The following CSMD2 variants were observed in gnomAD, a reference collection of about 807,000 sequenced individuals.
CSMD2 encodes CUB and sushi domain-containing protein 2.
Under a neutral mutation model 398.5 loss-of-function variants are expected in CSMD2, and 130 were observed. That is an observed-to-expected ratio of 0.33 (90% CI 0.28 to 0.38). The LOEUF (loss-of-function observed/expected upper bound fraction) is 0.38, where lower values mean the gene tolerates loss of function less well. CSMD2 is among the 10% of genes least tolerant of loss of function. The pLI is 1.00. For missense variants in CSMD2, 3,829 were observed against 4,764.9 expected (o/e 0.80, Z 5.78); for synonymous variants, 1,828 against 1,908.5 (o/e 0.96, Z 1.10).
At chr1:33,835,632 C>A (rs1479223894) in intron 6 of CSMD2, among the ~76,000 whole-genome samples, 2 of 136,960 alleles carry the variant, frequency 1.5e-5, no homozygotes, top group Admixed American at 7.6e-5. Flanking sequence ...TGTACATGTA[C>A]CCTAAAACTT....
At chr1:33,796,278 C>T (rs1377534359) in intron 10 of CSMD2, among the ~76,000 whole-genome samples, 2 of 152,200 alleles carry the variant, frequency 1.3e-5, no homozygotes, top group Non-Finnish European at 2.9e-5. Context: ...CATATCAACT[C>T]ATGAGAAATG....
chr1:34,084,359 C>T (rs930917945), intron 2 of CSMD2, among the ~76,000 whole-genome samples: 5 of 152,250 alleles, frequency 3.3e-5, no homozygotes, highest in African/African-American at 1.2e-4. Flanking sequence ...GCAATGGTAA[C>T]AAAAGCCAAA....
chr1:34,165,634 GCACT>G, upstream of CSMD2: 1 of 885,116 alleles, frequency 1.1e-6, no homozygotes, highest in Non-Finnish European at 1.8e-6. Context: ...AGAGACACAC[GCACT>G]CACACACACA....
chr1:33,794,236 A>C (rs1381961682), intron 10 of CSMD2, among the ~76,000 whole-genome samples: 2 of 152,208 alleles, frequency 1.3e-5, no homozygotes, highest in African/African-American at 2.4e-5. Context: ...GGTAGTGTCT[A>C]TGCAGGGCCC....
intron 5 of CSMD2, among the ~76,000 whole-genome samples, chr1:33,911,016 T>C (rs1477829393): frequency 6.6e-6 from 1 of 152,230 alleles, no homozygotes; most frequent in Non-Finnish European, 1.5e-5. Context: ...TAACACATGA[T>C]ATTGCAAAGC....
At chr1:33,777,758 G>A (rs1388140704) in intron 12 of CSMD2, among the ~76,000 whole-genome samples, 3 of 152,108 alleles carry the variant, frequency 2.0e-5, no homozygotes, top group African/African-American at 7.2e-5. Flanking sequence ...ACTGAGCTCT[G>A]CCACTCAGCA....
intron 44 of CSMD2, chr1:33,598,691 G>A (rs1484899626): frequency 3.8e-5 from 3 of 79,230 alleles, no homozygotes; most frequent in African/African-American, 1.1e-4. Context: ...TTTTTTTTGA[G>A]ATGGAGTTTC....
At chr1:33,897,630 G>A (rs370062453) in intron 5 of CSMD2, among the ~76,000 whole-genome samples, 2 of 152,152 alleles carry the variant, frequency 1.3e-5, no homozygotes, top group African/African-American at 4.8e-5. Flanking sequence ...GGACACAGCC[G>A]GGTGACAACA....
intron 37 of CSMD2, among the ~76,000 whole-genome samples, chr1:33,620,385 A>C (rs1323182464): frequency 6.6e-6 from 1 of 152,182 alleles, no homozygotes; most frequent in Non-Finnish European, 1.5e-5. Flanking sequence ...TCCAGTCTCC[A>C]AATACCAGTG....
chr1:33,729,814 A>T (rs1254286599), intron 15 of CSMD2, among the ~76,000 whole-genome samples: 2 of 152,220 alleles, frequency 1.3e-5, no homozygotes. Context: ...TTAATGACAC[A>T]TGAGGCCGTG....
intron 3 of CSMD2, among the ~76,000 whole-genome samples, chr1:33,971,798 G>A (rs983665139): frequency 6.6e-6 from 1 of 152,168 alleles, no homozygotes; most frequent in Non-Finnish European, 1.5e-5. Flanking sequence ...CTCCCAGCTT[G>A]GTTCCTCAGA....
chr1:33,993,887 T>G (rs200651903), intron 3 of CSMD2, among the ~76,000 whole-genome samples: 2 of 152,194 alleles, frequency 1.3e-5, no homozygotes, highest in Non-Finnish European at 2.9e-5. Flanking sequence ...ATATCCATTC[T>G]TCTTTGTACG....
intron 57 of CSMD2, among the ~76,000 whole-genome samples, chr1:33,543,934 G>T (rs1037975985): frequency 6.6e-6 from 1 of 152,040 alleles, no homozygotes; most frequent in African/African-American, 2.4e-5. Context: ...TGGATCTAAA[G>T]ATATTTTTTA....
intron 3 of CSMD2, among the ~76,000 whole-genome samples, chr1:33,998,860 G>T: frequency 6.6e-6 from 1 of 152,214 alleles, no homozygotes; most frequent in South Asian, 2.1e-4. Flanking sequence ...GCTGGCTCTG[G>T]CTACCTGTTA....
At chr1:34,097,114 T>C (rs1333046585) in intron 1 of CSMD2, among the ~76,000 whole-genome samples, 10 of 143,718 alleles carry the variant, frequency 7.0e-5, no homozygotes, top group Admixed American at 6.9e-5. Flanking sequence ...GCCGCATATC[T>C]ACAACTATCT....
intron 49 of CSMD2, 98 bp from the exon 50 acceptor site, chr1:33,572,789 TAAAA>T: frequency 3.3e-6 from 3 of 896,612 alleles, no homozygotes; most frequent in Non-Finnish European, 4.7e-6. Context: ...CTTTTATTAG[TAAAA>T]ACTAATTAAA....
At chr1:33,763,649 A>G (rs182117025) in intron 13 of CSMD2, among the ~76,000 whole-genome samples, 1 of 152,316 alleles carries the variant, frequency 6.6e-6, no homozygotes, top group East Asian at 1.9e-4. Context: ...TTCGTGAGCC[A>G]TCCCTTCAGT....
intron 13 of CSMD2, among the ~76,000 whole-genome samples, chr1:33,757,910 C>T (rs1376994195): frequency 6.6e-6 from 1 of 152,206 alleles, no homozygotes; most frequent in African/African-American, 2.4e-5. Context: ...CAGAGTCTAC[C>T]TGGTGTCCTA....
rs79391729 is a variant in CSMD2, at chr1:33,571,585, C to T, written c.7904G>A (p.Arg2635His). 2,461 of 1,547,164 alleles carry T rather than the reference C, an allele frequency of 1.6e-3. 34 individuals carry two copies. In the African/African-American group the frequency reaches 0.028, roughly 17 times the overall value. ...GYYYTGQRVI[R>H]CQANGKWSLG... ...GCTCCATTTGCCATTGGCCTGACAG[C>T]GGATGACCCTTTGGCCAGTATAGTA... Residue 2635 changes from arginine to histidine, a missense_variant, in exon 51 of 71, where the codon CGC becomes CAC. Physicochemically the swap from Arg to His is conservative, Grantham distance 29 (BLOSUM62 0). Around this residue, in one of 5 missense-constraint regions of CSMD2, gnomAD observed 723 missense variants for 758.6 expected, o/e 0.95. Transcript: ENST00000373381.
Sources: allele counts gnomAD v4.1 joint callset (sites outside exome capture counted in the v4.1 genomes callset), GRCh38; gene constraint gnomAD v4.1.1; regional missense constraint gnomAD v4.1.1; transcripts MANE v1.5; gene names NCBI Gene and HGNC (gene_info 2026-07-23, HGNC 2026-07-21).